ZBTB20: variants seen among roughly 807,000 people sequenced by gnomAD.
The protein encoded by ZBTB20 is zinc finger and BTB domain containing 20.
A neutral mutation model predicts 56.9 loss-of-function variants in ZBTB20; 9 were observed. The observed-to-expected ratio is 0.16, with a 90% CI of 0.10 to 0.28. ZBTB20 has a LOEUF of 0.28. ZBTB20 is among the 10% of genes least tolerant of loss of function. The pLI is 1.00. For missense variants in ZBTB20, 655 were observed against 1,003.0 expected, an observed-to-expected ratio of 0.65 and a Z score of 4.69; for synonymous variants, 417 against 420.7, an observed-to-expected ratio of 0.99 and a Z score of 0.11.
chr3:114,827,035 T>A (rs1432722269), intron 4 of ZBTB20, among the ~76,000 whole-genome samples: 1 of 151,714 alleles, frequency 6.6e-6, no homozygotes, highest in African/African-American at 2.4e-5. Context: ...AGGATTTAGA[T>A]CTCTAAATTC....
chr3:115,103,688 A>G (rs1441419101), intron 1 of ZBTB20, among the ~76,000 whole-genome samples: 1 of 152,222 alleles, frequency 6.6e-6, no homozygotes, highest in Non-Finnish European at 1.5e-5. Context: ...TACACTCTTC[A>G]CATAAATTAA....
intron 6 of ZBTB20, among the ~76,000 whole-genome samples, chr3:114,642,007 C>A (rs2059588635): frequency 6.6e-6 from 1 of 151,946 alleles, no homozygotes; most frequent in East Asian, 1.9e-4. Flanking sequence ...TTTAAATTGA[C>A]TATTCTGAGA....
At chr3:114,938,726 A>T (rs1284385504) in intron 3 of ZBTB20, among the ~76,000 whole-genome samples, 1 of 145,674 alleles carries the variant, frequency 6.9e-6, no homozygotes, top group Non-Finnish European at 1.5e-5. Context: ...AATGTAGATG[A>T]CAGGTTGATG....
At chr3:114,920,723 G>C (rs2075925202) in intron 3 of ZBTB20, among the ~76,000 whole-genome samples, 1 of 151,858 alleles carries the variant, frequency 6.6e-6, no homozygotes, top group Non-Finnish European at 1.5e-5. Flanking sequence ...CACAAAGTCA[G>C]CAGTAATAAG....
At chr3:114,896,498 G>A (rs906299079) in intron 4 of ZBTB20, among the ~76,000 whole-genome samples, 2 of 151,990 alleles carry the variant, frequency 1.3e-5, no homozygotes, top group East Asian at 1.9e-4. Flanking sequence ...AGCCAAACAC[G>A]AGAAGAGAAA....
At chr3:114,696,223 A>G (rs2063002340) in intron 5 of ZBTB20, among the ~76,000 whole-genome samples, 1 of 152,124 alleles carries the variant, frequency 6.6e-6, no homozygotes, top group South Asian at 2.1e-4. Flanking sequence ...TAGTTAACAC[A>G]TAAGACAGTG....
chr3:114,469,010 CAAAAAA>C lies in ZBTB20; in HGVS notation c.-255+31336_-255+31341del, dbSNP rs1164804884. 6.0e-5 allele frequency among the ~76,000 whole-genome samples: 4 copies of C among 67,050 alleles called. 1 individual carries two copies. In the South Asian group the frequency reaches 1.8e-3, roughly 30 times the overall value. 44.0% of individuals were successfully genotyped at this position (67,050 alleles called of 152,430 possible). A position where few individuals can be genotyped will look rare whatever the true frequency, so the allele number is the denominator to read the frequency against. ...CAGATCTCCAATTTTTCAAGAGAAG[CAAAAAA>C]AAAAAAAAAAAAAAAAAAATCTAGT... On this transcript the variant is annotated intron_variant, in intron 7 of 11. Transcript: ENST00000675478.
At chr3:114,726,481 G>A (rs998423058) in intron 5 of ZBTB20, among the ~76,000 whole-genome samples, 3 of 152,174 alleles carry the variant, frequency 2.0e-5, no homozygotes, top group Non-Finnish European at 4.4e-5. Context: ...TGAAGTGCTT[G>A]TTCAAATACA....
intron 2 of ZBTB20, among the ~76,000 whole-genome samples, chr3:115,018,803 T>C (rs942782969): frequency 2.0e-5 from 3 of 151,508 alleles, no homozygotes; most frequent in African/African-American, 7.2e-5. Flanking sequence ...GGCAGTCTGC[T>C]TTAATAGCTT....
Position 115,048,213 on chromosome 3 carries a change from A to G in ZBTB20, c.-507+23006T>C, listed in dbSNP as rs564230307. ...GCACTCCAGCCTGGGCGACAGAGCG[A>G]GACTCTGTCTCAAAAAATAAAAATA... On this transcript the variant is annotated intron_variant, in intron 2 of 11. Transcript: ENST00000675478. Among the ~76,000 whole-genome samples the G allele has an allele frequency of 2.3e-3, 351 of 152,320 alleles. 1 individual carries two copies. The highest frequency in any genetic ancestry group is 8.3e-3 in the African/African-American group (345 of 41,574).
intron 4 of ZBTB20, among the ~76,000 whole-genome samples, chr3:114,872,733 GT>G (rs1386944325): frequency 1.3e-5 from 2 of 152,008 alleles, no homozygotes; most frequent in Non-Finnish European, 2.9e-5. Context: ...GATCAAAGTG[GT>G]TGGTTATGAC....
At chr3:114,730,143 G>T (rs1246805744) in intron 5 of ZBTB20, among the ~76,000 whole-genome samples, 1 of 151,798 alleles carries the variant, frequency 6.6e-6, no homozygotes, top group Non-Finnish European at 1.5e-5. Context: ...TGTTAGCAGA[G>T]TCCATTAAAA....
chr3:114,435,215 T>C (rs1005412824), intron 7 of ZBTB20, among the ~76,000 whole-genome samples: 9 of 152,196 alleles, frequency 5.9e-5, no homozygotes, highest in African/African-American at 1.7e-4. Flanking sequence ...GTGCATTTTA[T>C]TGGAAAATAA....
At chr3:114,940,665 G>C (rs2076694275) in intron 3 of ZBTB20, among the ~76,000 whole-genome samples, 1 of 146,344 alleles carries the variant, frequency 6.8e-6, no homozygotes, top group Admixed American at 6.6e-5. Context: ...ATGATTACAT[G>C]AATTAAAATA....
chr3:115,012,525 T>G (rs2079766675), intron 2 of ZBTB20, among the ~76,000 whole-genome samples: 1 of 151,742 alleles, frequency 6.6e-6, no homozygotes, highest in Non-Finnish European at 1.5e-5. Context: ...GATATAACAA[T>G]TGTAATATAG....
chr3:114,489,818 A>G (rs2042534852), intron 7 of ZBTB20, among the ~76,000 whole-genome samples: 1 of 152,198 alleles, frequency 6.6e-6, no homozygotes, highest in South Asian at 2.1e-4. Flanking sequence ...TGACCCTAAC[A>G]TCATTTCCTA....
intron 2 of ZBTB20, among the ~76,000 whole-genome samples, chr3:115,045,034 C>A (rs553222579): frequency 1.3e-5 from 2 of 152,134 alleles, no homozygotes; most frequent in Non-Finnish European, 2.9e-5. Flanking sequence ...CAGCAATGTG[C>A]TATACCCATG....
intron 6 of ZBTB20, among the ~76,000 whole-genome samples, chr3:114,670,681 A>C (rs1490051591): frequency 6.6e-6 from 1 of 152,152 alleles, no homozygotes; most frequent in Non-Finnish European, 1.5e-5. Context: ...GAAAAAGTCT[A>C]ATTTCTGTTC....
chr3:114,406,624 T>G (rs2087353329), intron 7 of ZBTB20, among the ~76,000 whole-genome samples: 1 of 152,048 alleles, frequency 6.6e-6, no homozygotes, highest in Non-Finnish European at 1.5e-5. Flanking sequence ...ATCTTTATTT[T>G]AAGAGACCTG....
Sources: allele counts gnomAD v4.1 joint callset (sites outside exome capture counted in the v4.1 genomes callset), GRCh38; gene constraint gnomAD v4.1.1; transcripts MANE v1.5; gene names NCBI Gene and HGNC (gene_info 2026-07-23, HGNC 2026-07-21).